Variants in CTBS observed in about 807,000 individuals in gnomAD.
The protein encoded by CTBS is di-N-acetylchitobiase.
Under a neutral mutation model 44.3 loss-of-function variants are expected in CTBS, and 35 were observed. That is an observed-to-expected ratio of 0.79 (90% CI 0.60 to 1.05). CTBS has a LOEUF of 1.05. Among genes scored for constraint, CTBS ranks in the 50% least tolerant of loss-of-function variants. The probability of loss-of-function intolerance (pLI) is 0.00; values close to 1 mark genes in which losing one functional copy is unlikely to be tolerated. For synonymous variants in CTBS, 143 were observed against 168.0 expected, an observed-to-expected ratio of 0.85 and a Z score of 1.15; for missense variants, 458 against 475.3, an observed-to-expected ratio of 0.96 and a Z score of 0.34.
chr1:84,573,608 T>C (rs1468929304), intron 1 of CTBS, among the ~76,000 whole-genome samples: 6 of 152,240 alleles, frequency 3.9e-5, no homozygotes, highest in Non-Finnish European at 8.8e-5. Context: ...ACCTTCCTGA[T>C]GTCATCCAAT....
chr1:84,558,438 C>T (rs936125726), intron 6 of CTBS, among the ~76,000 whole-genome samples: 26 of 151,264 alleles, frequency 1.7e-4, no homozygotes, highest in Non-Finnish European at 2.8e-4. Context: ...TACAGGCGCC[C>T]GCCACTACGC....
At position 84,550,718 on chromosome 1, in the gene CTBS, A is replaced by T; in HGVS notation, c.*4281T>A. The T allele has an allele frequency of 8.5e-7, 1 of 1,169,892 alleles. No homozygotes were observed. The highest frequency in any genetic ancestry group is 1.1e-6 in the Non-Finnish European group (1 of 942,060). The allele number at this position is 1,169,892 out of a possible 1,614,324, so 72.5% of individuals were successfully genotyped here. ...GAAGAAAAACTAAACCTGTGAAAAGATACATGATATAATAAAGCCAAAGTA... is the reference window on the plus strand; with the variant it reads ...GAAGAAAAACTAAACCTGTGAAAAGTTACATGATATAATAAAGCCAAAGTA... On this transcript the variant is annotated 3_prime_UTR_variant, in exon 7 of 7. Transcript: ENST00000370630.
At chr1:84,564,982 T>G (rs1044503994) in intron 4 of CTBS, among the ~76,000 whole-genome samples, 6 of 151,906 alleles carry the variant, frequency 3.9e-5, no homozygotes, top group African/African-American at 1.5e-4. Context: ...GAGGTTACAG[T>G]GGGCTATCAT....
Position 84,574,390 on chromosome 1 carries a change from C to A in CTBS, c.26G>T (p.Trp9Leu). MSRPQLRR[W>L]RLVSSPPSGV... is the part of the protein sequence containing the mutation. ...GCTCGGCGGGCTAGAGACGAGGCGC[C>A]AGCGTCGAAGCTGCGGCCGGGACAT... Residue 9 changes from tryptophan to leucine, a missense_variant, in exon 1 of 7, where the codon TGG becomes TTG. Trp to Leu is a moderately conservative substitution (Grantham distance 61). Coordinates refer to ENST00000370630, the MANE Select transcript of CTBS (RefSeq NM_004388.3). 1 of 1,559,098 alleles carries A rather than the reference C, an allele frequency of 6.4e-7. No individual in the cohort carries two copies. Among genetic ancestry groups the A allele is most frequent in the Non-Finnish European group, 8.7e-7 (1 of 1,153,342 alleles).
chr1:84,571,606 G>A (rs1257977319), intron 1 of CTBS, among the ~76,000 whole-genome samples: 1 of 152,078 alleles, frequency 6.6e-6, no homozygotes, highest in Non-Finnish European at 1.5e-5. Flanking sequence ...CATTGATTTG[G>A]CAAATATTTA....
Position 84,553,143 on chromosome 1 carries a change from T to C in CTBS, c.*1856A>G, listed in dbSNP as rs757965995. 9 of 1,359,096 alleles carry C rather than the reference T, an allele frequency of 6.6e-6. No homozygotes were observed. Among genetic ancestry groups the C allele is most frequent in the African/African-American group, 3.0e-5 (2 of 66,842 alleles). The allele number at this position is 1,359,096 out of a possible 1,614,324, so 84.2% of individuals were successfully genotyped here. ...CAATTAGGTATGTTAATTTAAAACTTTTATTTGTAAAAAAATTTAAATATG... is the reference window on the plus strand; with the variant it reads ...CAATTAGGTATGTTAATTTAAAACTCTTATTTGTAAAAAAATTTAAATATG... On this transcript the variant is annotated 3_prime_UTR_variant, in exon 7 of 7. Coordinates refer to ENST00000370630, the MANE Select transcript of CTBS (RefSeq NM_004388.3).
At chr1:84,565,590 G>A (rs1363958727) in intron 4 of CTBS, among the ~76,000 whole-genome samples, 3 of 152,130 alleles carry the variant, frequency 2.0e-5, no homozygotes, top group Non-Finnish European at 4.4e-5. Context: ...ATCATGAGCA[G>A]TTAATTCTTT....
At chr1:84,572,734 T>TAGG in intron 1 of CTBS, among the ~76,000 whole-genome samples, 1 of 151,508 alleles carries the variant, frequency 6.6e-6, no homozygotes, top group South Asian at 2.1e-4. Context: ...GGCGTGATCT[T>TAGG]GGCTAACTGC....
At chr1:84,562,116 T>C (rs1684606812) in intron 6 of CTBS, among the ~76,000 whole-genome samples, 1 of 152,216 alleles carries the variant, frequency 6.6e-6, no homozygotes. Flanking sequence ...ACAATTAAAC[T>C]ACCTTATGTA....
intron 6 of CTBS, among the ~76,000 whole-genome samples, chr1:84,561,189 G>A (rs1684588686): frequency 6.6e-6 from 1 of 152,302 alleles, no homozygotes; most frequent in South Asian, 2.1e-4. Flanking sequence ...TGCATGGGAG[G>A]AGGTCAAAAT....
chr1:84,561,732 C>T (rs953722547), intron 6 of CTBS, among the ~76,000 whole-genome samples: 5 of 152,178 alleles, frequency 3.3e-5, no homozygotes, highest in Non-Finnish European at 2.9e-5. Flanking sequence ...CCATCAATGA[C>T]AAGGCAAGAC....
intron 6 of CTBS, among the ~76,000 whole-genome samples, chr1:84,561,637 G>A (rs76681350): frequency 0.054 from 8,206 of 152,192 alleles, 311 homozygotes; most frequent in Non-Finnish European, 0.077. Flanking sequence ...GTCAATTGAC[G>A]TGGCAAACTT....
In CTBS at chr1:84,574,057, C is replaced by T. The variant is rs776260307; in HGVS notation, c.177+182G>A. The T allele has an allele frequency of 1.9e-4, 274 of 1,439,418 alleles. 1 individual carries two copies. The highest frequency in any genetic ancestry group is 2.3e-4 in the Non-Finnish European group (252 of 1,094,240). 89.2% of individuals were successfully genotyped at this position (1,439,418 alleles called of 1,614,324 possible). On this transcript the variant is annotated intron_variant, in intron 1 of 6. Transcript: ENST00000370630. ...AGGCTGTGAGGCCTGAGGAGTTACT[C>T]AACTTCTCTGAGCCCGAGCTTCCTC... is the stretch of plus-strand genomic sequence containing the variant.
At chr1:84,573,263 G>A (rs1388726852) in intron 1 of CTBS, among the ~76,000 whole-genome samples, 1 of 152,194 alleles carries the variant, frequency 6.6e-6, no homozygotes, top group South Asian at 2.1e-4. Context: ...ATTTTCCTTT[G>A]CTTCCCTGTT....
In CTBS at chr1:84,551,030, T is replaced by C; in HGVS notation, c.*3969A>G. ...GCCTTAGTTAACTTTGTTTCTCCCA[T>C]GGGACCTTTTGTATAGCAGATGCTT... On this transcript the variant is annotated 3_prime_UTR_variant, in exon 7 of 7. Coordinates refer to ENST00000370630, the MANE Select transcript of CTBS (RefSeq NM_004388.3). The C allele has an allele frequency of 2.0e-6, 2 of 985,344 alleles. No homozygotes were observed. The highest frequency in any genetic ancestry group is 2.4e-6 in the Non-Finnish European group (2 of 829,860). 61.0% of individuals were successfully genotyped at this position (985,344 alleles called of 1,614,324 possible). A position where few individuals can be genotyped will look rare whatever the true frequency, so the allele number is the denominator to read the frequency against.
intron 4 of CTBS, among the ~76,000 whole-genome samples, chr1:84,564,849 T>C (rs920526669): frequency 6.6e-6 from 1 of 151,744 alleles, no homozygotes; most frequent in African/African-American, 2.4e-5. Flanking sequence ...CTGGGCAACA[T>C]AGTATGACTC....
intron 4 of CTBS, among the ~76,000 whole-genome samples, chr1:84,564,334 G>C (rs1027055153): frequency 6.6e-6 from 1 of 152,148 alleles, no homozygotes; most frequent in Non-Finnish European, 1.5e-5. Flanking sequence ...AGAGAAAAAT[G>C]AACAAATCCC....
chr1:84,562,431 T>C (rs1684613102), intron 6 of CTBS, among the ~76,000 whole-genome samples: 1 of 152,248 alleles, frequency 6.6e-6, no homozygotes, highest in African/African-American at 2.4e-5. Flanking sequence ...CAATTATAAT[T>C]TATGACATGT....
intron 6 of CTBS, among the ~76,000 whole-genome samples, chr1:84,561,115 T>TA (rs1026257140): frequency 6.6e-6 from 1 of 152,216 alleles, no homozygotes; most frequent in African/African-American, 2.4e-5. Context: ...CTGGCCAAAG[T>TA]AAACTGAAAG....
Sources: gnomAD v4.1 joint callset for allele counts (sites outside exome capture counted in the v4.1 genomes callset) on GRCh38, gnomAD v4.1.1 for gene constraint, MANE v1.5 for transcripts, NCBI Gene and HGNC (gene_info 2026-07-23, HGNC 2026-07-21) for gene names.